Variants in NAALADL2 observed in about 807,000 individuals in gnomAD.
NAALADL2 encodes N-acetylated alpha-linked acidic dipeptidase like 2, also known as inactive N-acetylated-alpha-linked acidic dipeptidase-like protein 2.
A neutral mutation model predicts 87.2 loss-of-function variants in NAALADL2; 76 were observed. That is an observed-to-expected ratio of 0.87 (90% CI 0.72 to 1.05). The LOEUF (loss-of-function observed/expected upper bound fraction) is 1.05. Ranked by LOEUF, NAALADL2 falls within the 50% of genes least tolerant of loss-of-function variation. The probability of loss-of-function intolerance (pLI) is 0.00; values close to 1 mark genes in which losing one functional copy is unlikely to be tolerated. For synonymous variants in NAALADL2, 354 were observed against 331.0 expected, an observed-to-expected ratio of 1.07 and a Z score of -0.75; for missense variants, 1,089 against 945.8, an observed-to-expected ratio of 1.15 and a Z score of -1.99.
At chr3:175,394,929 T>C (rs1218006080) in intron 5 of NAALADL2, among the ~76,000 whole-genome samples, 4 of 152,164 alleles carry the variant, frequency 2.6e-5, no homozygotes, top group Non-Finnish European at 4.4e-5. Flanking sequence ...TCTCAGCATG[T>C]GATTTTTTTT....
intron 4 of NAALADL2, among the ~76,000 whole-genome samples, chr3:175,309,818 C>G (rs995796911): frequency 6.6e-6 from 1 of 152,048 alleles, no homozygotes; most frequent in South Asian, 2.1e-4. Context: ...GATATATTAC[C>G]TCCTTTGAAT....
At chr3:175,285,994 A>G (rs1754927161) in intron 4 of NAALADL2, among the ~76,000 whole-genome samples, 1 of 152,220 alleles carries the variant, frequency 6.6e-6, no homozygotes, top group South Asian at 2.1e-4. Context: ...ACATTTTTCA[A>G]AATACGTTGT....
intron 3 of NAALADL2, among the ~76,000 whole-genome samples, chr3:175,246,013 T>C (rs570428584): frequency 6.6e-6 from 1 of 152,182 alleles, no homozygotes; most frequent in African/African-American, 2.4e-5. Context: ...TTGGTTTTCA[T>C]CCTTCAATAC....
chr3:175,118,323 A>C (rs531163275), intron 2 of NAALADL2, among the ~76,000 whole-genome samples: 1 of 151,960 alleles, frequency 6.6e-6, no homozygotes, highest in East Asian at 1.9e-4. Context: ...CGATAGTAGC[A>C]ATAGATCACA....
intron 2 of NAALADL2, among the ~76,000 whole-genome samples, chr3:174,574,589 A>G (rs1002378833): frequency 2.6e-5 from 4 of 152,190 alleles, no homozygotes; most frequent in Non-Finnish European, 5.9e-5. Flanking sequence ...CTTTATAGTT[A>G]TAGTGAAATA....
chr3:175,546,815 A>G (rs1249948975), intron 9 of NAALADL2, among the ~76,000 whole-genome samples: 2 of 152,136 alleles, frequency 1.3e-5, no homozygotes, highest in East Asian at 1.9e-4. Context: ...TTTCATTTCA[A>G]CCTTAGATAA....
rs62287273 is a variant in NAALADL2, at chr3:175,796,219, T to C, written c.2190-6786T>C. Among the ~76,000 whole-genome samples, 1,393 of 152,056 alleles carry C rather than the reference T, an allele frequency of 9.2e-3. 1 individual carries two copies. The highest frequency in any genetic ancestry group is 0.016 in the Non-Finnish European group (1,065 of 67,970). ...GCAGCATACAGGAGATTTTGAGACA[T>C]GGGCTTTCTACATATGCTATATTCT... On this transcript the variant is annotated intron_variant, in intron 13 of 13. Transcript: ENST00000454872.
intron 1 of NAALADL2, among the ~76,000 whole-genome samples, chr3:174,456,240 C>T (rs1715823648): frequency 6.6e-6 from 1 of 151,990 alleles, no homozygotes; most frequent in African/African-American, 2.4e-5. Flanking sequence ...ACATTCCATG[C>T]TTATGGATAG....
chr3:175,127,505 TC>T (rs1727151235), intron 2 of NAALADL2, among the ~76,000 whole-genome samples: 1 of 152,180 alleles, frequency 6.6e-6, no homozygotes, highest in Non-Finnish European at 1.5e-5. Flanking sequence ...GGCAGACTTT[TC>T]CAATTATGAT....
chr3:174,985,809 G>C (rs764529910), intron 1 of NAALADL2, among the ~76,000 whole-genome samples: 1 of 151,952 alleles, frequency 6.6e-6, no homozygotes, highest in African/African-American at 2.4e-5. Context: ...AAAATTAGCT[G>C]TGTGTGGTGG....
chr3:174,756,870 A>C (rs1032075470), intron 3 of NAALADL2, among the ~76,000 whole-genome samples: 4 of 152,076 alleles, frequency 2.6e-5, no homozygotes, highest in Admixed American at 6.5e-5. Context: ...CTTCTCAACC[A>C]TCCATATTTG....
intron 2 of NAALADL2, among the ~76,000 whole-genome samples, chr3:175,182,152 A>G (rs959837987): frequency 3.9e-5 from 6 of 152,030 alleles, no homozygotes; most frequent in Non-Finnish European, 8.8e-5. Context: ...GATTAGTGAT[A>G]TTGAGAATTT....
intron 9 of NAALADL2, among the ~76,000 whole-genome samples, chr3:175,536,497 A>C (rs1404750781): frequency 6.6e-6 from 1 of 152,172 alleles, no homozygotes; most frequent in African/African-American, 2.4e-5. Flanking sequence ...ACTGTACATG[A>C]TAGTAACAAT....
intron 10 of NAALADL2, among the ~76,000 whole-genome samples, chr3:175,581,553 G>C (rs535193423): frequency 1.3e-5 from 2 of 152,224 alleles, no homozygotes; most frequent in South Asian, 4.1e-4. Context: ...AGAAAAATCT[G>C]CTCCAATATT....
intron 2 of NAALADL2, among the ~76,000 whole-genome samples, chr3:175,137,581 G>A (rs1442783949): frequency 1.3e-5 from 2 of 148,962 alleles, no homozygotes; most frequent in Admixed American, 6.7e-5. Context: ...TTCTACAAAT[G>A]GAATTAATAT....
chr3:175,228,361 A>C (rs1469578689), intron 2 of NAALADL2, among the ~76,000 whole-genome samples: 1 of 152,112 alleles, frequency 6.6e-6, no homozygotes, highest in African/African-American at 2.4e-5. Context: ...ATCTACAAAG[A>C]AATCATGTCT....
At position 175,367,027 on chromosome 3, in the gene NAALADL2, A is replaced by G. The variant is rs575214712; in HGVS notation, c.1090+42702A>G. Among the ~76,000 whole-genome samples, 1,031 of 150,602 alleles carry G rather than the reference A, an allele frequency of 6.8e-3. 6 individuals are homozygous for G. The highest frequency in any genetic ancestry group is 0.012 in the Non-Finnish European group (785 of 67,570). ...TTAAATCTTTAATCCATCTTGAATTAATTTTTGTATAAGGTGTAAGGAAGG... is the reference window on the plus strand; with the variant it reads ...TTAAATCTTTAATCCATCTTGAATTGATTTTTGTATAAGGTGTAAGGAAGG... On this transcript the variant is annotated intron_variant, in intron 5 of 13. Transcript: ENST00000454872.
intron 1 of NAALADL2, among the ~76,000 whole-genome samples, chr3:175,017,397 T>G (rs150223509): frequency 4.8e-4 from 73 of 152,222 alleles, no homozygotes; most frequent in African/African-American, 1.7e-3. Context: ...GGTTGCTCAC[T>G]AAGTGGCAGA....
chr3:175,099,137 C>T (rs1381130), intron 2 of NAALADL2, among the ~76,000 whole-genome samples: 96,724 of 151,890 alleles, frequency 0.64, 31,230 homozygotes, highest in African/African-American at 0.76. Flanking sequence ...TTTTCAGCAC[C>T]GTAGTCATCT....
Sources: allele counts gnomAD v4.1 joint callset (sites outside exome capture counted in the v4.1 genomes callset), GRCh38; gene constraint gnomAD v4.1.1; transcripts MANE v1.5; gene names NCBI Gene and HGNC (gene_info 2026-07-23, HGNC 2026-07-21).